The following ATRNL1 variants were observed in gnomAD, a reference collection of about 807,000 sequenced individuals.
ATRNL1 encodes the protein attractin like 1.
In ATRNL1, 95 loss-of-function variants were observed where a neutral mutation model predicts 182.7. The observed-to-expected ratio is 0.52, with a 90% CI of 0.44 to 0.62. The LOEUF (loss-of-function observed/expected upper bound fraction) is 0.62. ATRNL1 is among the 20% of genes least tolerant of loss of function. ATRNL1 has a pLI of 0.00. For missense variants in ATRNL1, 1,471 were observed against 1,679.5 expected (o/e 0.88, Z 2.17); for synonymous variants, 576 against 568.3 (o/e 1.01, Z -0.19).
intron 24 of ATRNL1, among the ~76,000 whole-genome samples, chr10:115,492,736 C>T (rs1429846957): frequency 1.1e-4 from 16 of 150,298 alleles, no homozygotes; most frequent in African/African-American, 3.2e-4. Context: ...CTCCGCCTCC[C>T]GGGTTCACAC....
rs782507565 is a variant in ATRNL1 at position 115,129,458 on chromosome 10, C to T, written c.752C>T (p.Ala251Val). ...GEACDIPYCK[A>V]NCGSPDHGYC... ...GCTTGTGATATTCCTTACTGTAAAGCCAATTGCGGCAGTCCAGATCACGGT... is the reference window on the plus strand; with the variant it reads ...GCTTGTGATATTCCTTACTGTAAAGTCAATTGCGGCAGTCCAGATCACGGT... The change falls in exon 5 of 29, where the codon GCC (alanine) becomes GTC (valine). Residue 251 changes from alanine to valine, a missense_variant. Ala to Val is a moderately conservative substitution (Grantham distance 64). Coordinates refer to ENST00000355044, the MANE Select transcript of ATRNL1 (RefSeq NM_207303.4). 1.9e-6 allele frequency: 3 copies of T among 1,613,930 alleles called. No individual in the cohort carries two copies. The highest frequency in any genetic ancestry group is 2.2e-5 in the East Asian group (1 of 44,884).
intron 19 of ATRNL1, among the ~76,000 whole-genome samples, chr10:115,378,120 A>G (rs1857779935): frequency 1.3e-5 from 2 of 152,226 alleles, no homozygotes; most frequent in South Asian, 4.1e-4. Flanking sequence ...ACCTGAGGCC[A>G]AGGTCTTCAT....
chr10:115,527,798 TTCCC>T (rs1397826548), intron 25 of ATRNL1, among the ~76,000 whole-genome samples: 145 of 82,646 alleles, frequency 1.8e-3, no homozygotes, highest in African/African-American at 6.4e-3. Flanking sequence ...CCCTCCCTCC[TTCCC>T]TCCCTCCCTT....
At chr10:115,333,111 T>C (rs1855310524) in intron 18 of ATRNL1, among the ~76,000 whole-genome samples, 1 of 152,154 alleles carries the variant, frequency 6.6e-6, no homozygotes, top group Non-Finnish European at 1.5e-5. Flanking sequence ...CAGCAGAATA[T>C]TGGCTTTCCT....
At chr10:115,252,690 T>G (rs1327255185) in intron 10 of ATRNL1, among the ~76,000 whole-genome samples, 1 of 152,190 alleles carries the variant, frequency 6.6e-6, no homozygotes, top group Non-Finnish European at 1.5e-5. Flanking sequence ...CTTCTTTAAT[T>G]GACAGATCTT....
intron 25 of ATRNL1, among the ~76,000 whole-genome samples, chr10:115,535,251 G>T (rs1851899066): frequency 6.6e-6 from 1 of 152,172 alleles, no homozygotes; most frequent in South Asian, 2.1e-4. Flanking sequence ...ACACCGATCA[G>T]ACGTAGATGT....
chr10:115,792,763 C>G (rs1949559846), intron 27 of ATRNL1, among the ~76,000 whole-genome samples: 1 of 151,872 alleles, frequency 6.6e-6, no homozygotes, highest in South Asian at 2.1e-4. Context: ...ATTCAAAGAA[C>G]AGGTTTTTAA....
chr10:115,532,026 C>T (rs1554988413), intron 25 of ATRNL1, among the ~76,000 whole-genome samples: 6 of 150,958 alleles, frequency 4.0e-5, no homozygotes, highest in African/African-American at 1.5e-4. Context: ...GTTTTGGTTA[C>T]TGTAGCCTTG....
chr10:115,847,922 G>A lies in ATRNL1; in HGVS notation c.3949G>A (p.Ala1317Thr). 6.2e-7 allele frequency: 1 copy of A among 1,612,978 alleles called. No homozygotes were observed. Among genetic ancestry groups the A allele is most frequent in the South Asian group, 1.1e-5 (1 of 91,042 alleles). The change falls in exon 28 of 29, where the codon GCT becomes ACT. Residue 1317 changes from alanine (A) to threonine (T), a missense_variant. By Grantham distance (58) the Ala-to-Thr change is moderately conservative. Around this residue, in one of 3 missense-constraint regions of ATRNL1, gnomAD observed 437 missense variants for 506.0 expected, o/e 0.86. Coordinates refer to ENST00000355044, the MANE Select transcript of ATRNL1 (RefSeq NM_207303.4). Reference protein sequence around the residue: ...IAIEPCAGNRAAVLTVFLCLP... With the variant: ...IAIEPCAGNRTAVLTVFLCLP... ...CATTGAACCATGTGCTGGGAACAGA[G>A]CTGCTGTTCTGACTGTGTTTCTTTG...
intron 26 of ATRNL1, among the ~76,000 whole-genome samples, chr10:115,670,897 A>C (rs1280122009): frequency 2.6e-5 from 4 of 152,156 alleles, no homozygotes; most frequent in Non-Finnish European, 4.4e-5. Flanking sequence ...AAATATGAGA[A>C]ATAATGTCGA....
intron 26 of ATRNL1, among the ~76,000 whole-genome samples, chr10:115,651,978 AC>A (rs1555034449): frequency 6.6e-6 from 1 of 152,084 alleles, no homozygotes; most frequent in East Asian, 1.9e-4. Context: ...AACTGTAGTA[AC>A]CCTGTTTAAA....
At chr10:115,463,882 T>TTCTTTGAAGA (rs1490283035) in intron 22 of ATRNL1, among the ~76,000 whole-genome samples, 3 of 152,046 alleles carry the variant, frequency 2.0e-5, no homozygotes, top group African/African-American at 2.4e-5. Context: ...ACCTGTGGGG[T>TTCTTTGAAGA]TCTTTGAAGA....
intron 28 of ATRNL1, among the ~76,000 whole-genome samples, chr10:115,913,762 A>G (rs1301440826): frequency 2.0e-5 from 3 of 152,168 alleles, no homozygotes; most frequent in South Asian, 2.1e-4. Flanking sequence ...TGGAGTCACA[A>G]TGCGTGGCCC....
At position 115,532,126 on chromosome 10, in the gene ATRNL1, C is replaced by G. The variant is rs543568260; in HGVS notation, c.3716+12802C>G. ...TGGCGATGCGGGCTCTTTTTTGGTT[C>G]CATATGAATTTTAAAGTAGTTTTTT... On this transcript the variant is annotated intron_variant, in intron 25 of 28. Transcript: ENST00000355044. 2.0e-5 allele frequency among the ~76,000 whole-genome samples: 3 copies of G among 151,546 alleles called. No individual in the cohort carries two copies. In the South Asian group the frequency reaches 6.3e-4, roughly 32 times the overall value.
intron 27 of ATRNL1, among the ~76,000 whole-genome samples, chr10:115,770,276 A>G (rs1421558752): frequency 6.6e-6 from 1 of 152,140 alleles, no homozygotes; most frequent in African/African-American, 2.4e-5. Flanking sequence ...TATTTTGTGC[A>G]TTCAGCTTCA....
chr10:115,301,471 A>C (rs1046432896), intron 16 of ATRNL1, among the ~76,000 whole-genome samples: 1 of 152,182 alleles, frequency 6.6e-6, no homozygotes, highest in Non-Finnish European at 1.5e-5. Context: ...TATCAAAGAC[A>C]TGTTCACTTA....
chr10:115,391,269 C>G (rs992843922), intron 19 of ATRNL1, among the ~76,000 whole-genome samples: 2 of 152,062 alleles, frequency 1.3e-5, no homozygotes, highest in African/African-American at 2.4e-5. Context: ...AACTTTTTAC[C>G]TTTCAGTATG....
intron 10 of ATRNL1, among the ~76,000 whole-genome samples, chr10:115,243,487 A>G (rs1850507173): frequency 6.6e-6 from 1 of 152,084 alleles, no homozygotes; most frequent in African/African-American, 2.4e-5. Context: ...TTATCCTAAT[A>G]TTCAGAAGAT....
chr10:115,455,046 T>C (rs963660574), intron 21 of ATRNL1, among the ~76,000 whole-genome samples: 1 of 152,140 alleles, frequency 6.6e-6, no homozygotes, highest in African/African-American at 2.4e-5. Flanking sequence ...TCACATATGA[T>C]CTCTGTTGTG....
Sources: gnomAD v4.1 joint callset for allele counts (sites outside exome capture counted in the v4.1 genomes callset) on GRCh38, gnomAD v4.1.1 for gene constraint, gnomAD v4.1.1 regional missense constraint, MANE v1.5 for transcripts, NCBI Gene and HGNC (gene_info 2026-07-23, HGNC 2026-07-21) for gene names.